The following FSTL5 variants were observed in gnomAD, a reference collection of about 807,000 sequenced individuals.
The protein encoded by FSTL5 is follistatin-related protein 5.
Under a neutral mutation model 89.1 loss-of-function variants are expected in FSTL5, and 62 were observed. The observed-to-expected ratio is 0.70, with a 90% confidence interval of 0.57 to 0.86. The LOEUF (loss-of-function observed/expected upper bound fraction) is 0.86, where lower values mean the gene tolerates loss of function less well. FSTL5 is among the 40% of genes least tolerant of loss of function. The pLI, the probability that FSTL5 is intolerant of heterozygous loss-of-function variation, is 0.00. For missense variants in FSTL5, 1,057 were observed against 1,001.6 expected (o/e 1.06, Z -0.75); for synonymous variants, 383 against 346.2 (o/e 1.11, Z -1.18).
intron 1 of FSTL5, among the ~76,000 whole-genome samples, chr4:162,155,227 T>A (rs1733421097): frequency 1.3e-5 from 2 of 152,204 alleles, no homozygotes; most frequent in African/African-American, 4.8e-5. Context: ...TTACCCTAGC[T>A]GGCCCTGACT....
At chr4:161,910,087 C>G (rs1296259234) in intron 4 of FSTL5, among the ~76,000 whole-genome samples, 1 of 152,140 alleles carries the variant, frequency 6.6e-6, no homozygotes, top group Non-Finnish European at 1.5e-5. Flanking sequence ...GTTCATTTCT[C>G]AAATCCTCAT....
chr4:161,775,868 C>T lies in FSTL5; in HGVS notation c.606+10G>A. The T allele has an allele frequency of 7.2e-7, 1 of 1,398,200 alleles. No individual in the cohort carries two copies. Among genetic ancestry groups the T allele is most frequent in the Non-Finnish European group, 9.6e-7 (1 of 1,037,018 alleles). The allele number at this position is 1,398,200 out of a possible 1,614,324, so 86.6% of individuals were successfully genotyped here. On this transcript the variant is annotated intron_variant, in intron 5 of 15. Transcript: ENST00000306100. The stretch of plus-strand genomic sequence containing the variant: ...TTCAGTAAGTTTGTTAATATAGTCA[C>T]TAATCATACCTGAGTTAGTTCATTA...
intron 2 of FSTL5, among the ~76,000 whole-genome samples, chr4:162,087,337 G>T (rs1341740441): frequency 2.6e-5 from 4 of 151,984 alleles, no homozygotes; most frequent in African/African-American, 7.2e-5. Flanking sequence ...ATAATTTTCT[G>T]CATCAAACTG....
chr4:161,933,097 C>G (rs1019837686), intron 3 of FSTL5, among the ~76,000 whole-genome samples: 2 of 152,056 alleles, frequency 1.3e-5, no homozygotes, highest in African/African-American at 4.8e-5. Context: ...TTTTACTGTC[C>G]ATTTTACATT....
At chr4:161,637,678 A>T (rs1480062383) in intron 7 of FSTL5, among the ~76,000 whole-genome samples, 5 of 116,138 alleles carry the variant, frequency 4.3e-5, no homozygotes, top group East Asian at 2.5e-4. Flanking sequence ...AGCTTTCTAC[A>T]TATGGCTAGC....
intron 15 of FSTL5, among the ~76,000 whole-genome samples, chr4:161,397,160 C>G (rs1440871687): frequency 6.6e-6 from 1 of 151,930 alleles, no homozygotes; most frequent in Non-Finnish European, 1.5e-5. Flanking sequence ...TGTTCTAGGT[C>G]AAAAACACAA....
chr4:161,640,667 T>C (rs949026311), intron 7 of FSTL5, among the ~76,000 whole-genome samples: 1 of 146,956 alleles, frequency 6.8e-6, no homozygotes, highest in Admixed American at 6.6e-5. Context: ...TCTACATGAT[T>C]TGTAGAATAC....
intron 3 of FSTL5, among the ~76,000 whole-genome samples, chr4:161,964,010 A>C (rs979941676): frequency 6.6e-6 from 1 of 151,992 alleles, no homozygotes; most frequent in African/African-American, 2.4e-5. Flanking sequence ...ATAATATAAT[A>C]AAAAGTAATT....
rs116656875 is a variant in FSTL5 at position 161,762,011 on chromosome 4, T to C, written c.607-2480A>G. ...GAGGGAGGTACTTTCCTATGACTTT[T>C]CTTCTTTTCTGTTTTTTCACATCTT... On this transcript the variant is annotated intron_variant, in intron 5 of 15. Transcript: ENST00000306100. 8.0e-3 allele frequency among the ~76,000 whole-genome samples: 1,225 copies of C among 152,304 alleles called. 16 individuals carry two copies. Among genetic ancestry groups the C allele is most frequent in the African/African-American group, 0.027 (1,110 of 41,566 alleles).
At chr4:161,811,800 A>G (rs908256862) in intron 4 of FSTL5, among the ~76,000 whole-genome samples, 1 of 152,184 alleles carries the variant, frequency 6.6e-6, no homozygotes, top group African/African-American at 2.4e-5. Flanking sequence ...AGTGTGCCTT[A>G]GCATCAAATA....
chr4:161,973,010 G>T (rs1039067634), intron 3 of FSTL5, among the ~76,000 whole-genome samples: 2 of 152,056 alleles, frequency 1.3e-5, no homozygotes, highest in African/African-American at 4.8e-5. Flanking sequence ...TGATTCTTAG[G>T]AATTGGTATT....
At chr4:162,102,892 A>T (rs1402944434) in intron 2 of FSTL5, among the ~76,000 whole-genome samples, 3 of 151,514 alleles carry the variant, frequency 2.0e-5, no homozygotes. Flanking sequence ...TGTAAATAGA[A>T]TGCTGATGCA....
intron 8 of FSTL5, among the ~76,000 whole-genome samples, chr4:161,570,582 A>T (rs1732971529): frequency 6.6e-6 from 1 of 152,164 alleles, no homozygotes. Context: ...ATGTGACTTG[A>T]CTTCATAAGC....
At chr4:161,751,280 C>T (rs897092509) in intron 6 of FSTL5, among the ~76,000 whole-genome samples, 2 of 152,096 alleles carry the variant, frequency 1.3e-5, no homozygotes, top group Non-Finnish European at 2.9e-5. Context: ...CTTTCCATTA[C>T]ACTTGGTGTA....
chr4:161,811,722 A>G (rs977998657), intron 4 of FSTL5, among the ~76,000 whole-genome samples: 1 of 152,198 alleles, frequency 6.6e-6, no homozygotes, highest in Non-Finnish European at 1.5e-5. Context: ...CTGTACTGAG[A>G]TGCCATTCTA....
intron 4 of FSTL5, among the ~76,000 whole-genome samples, chr4:161,777,892 G>A (rs547088669): frequency 2.6e-5 from 4 of 152,134 alleles, no homozygotes; most frequent in East Asian, 1.9e-4. Flanking sequence ...TCAGGAGTTC[G>A]AGGCCAGCCT....
At chr4:162,032,442 G>A (rs527834568) in intron 3 of FSTL5, 38 of 152,210 alleles carry the variant, frequency 2.5e-4, no homozygotes, top group Admixed American at 1.9e-3. Flanking sequence ...AATAACAAGC[G>A]ATACTTCAGT....
chr4:161,887,090 T>A (rs1189172743), intron 4 of FSTL5, among the ~76,000 whole-genome samples: 1 of 152,104 alleles, frequency 6.6e-6, no homozygotes, highest in Non-Finnish European at 1.5e-5. Context: ...AATTCTCAAA[T>A]CTCAAATCAC....
At chr4:161,947,318 AT>A (rs1257497421) in intron 3 of FSTL5, among the ~76,000 whole-genome samples, 1 of 126,132 alleles carries the variant, frequency 7.9e-6, no homozygotes, top group African/African-American at 2.9e-5. Flanking sequence ...TTCTCTGCCT[AT>A]TTCAAAATTG....
Sources: allele counts gnomAD v4.1 joint callset (sites outside exome capture counted in the v4.1 genomes callset), GRCh38; gene constraint gnomAD v4.1.1; transcripts MANE v1.5; gene names NCBI Gene and HGNC (gene_info 2026-07-23, HGNC 2026-07-21).